The following SRGAP3 variants were observed in gnomAD, a reference collection of about 807,000 sequenced individuals.
SRGAP3 encodes SLIT-ROBO Rho GTPase-activating protein 3.
A neutral mutation model predicts 121.1 loss-of-function variants in SRGAP3; 39 were observed. The ratio of observed to expected loss-of-function variants is 0.32; its 90% confidence interval spans 0.25 to 0.42. The LOEUF is 0.42. Ranked by LOEUF, SRGAP3 falls within the 10% of genes least tolerant of loss-of-function variation. SRGAP3 has a pLI of 1.00. For synonymous variants in SRGAP3, 601 were observed against 570.0 expected (o/e 1.05, Z -0.77); for missense variants, 1,213 against 1,470.6 (o/e 0.82, Z 2.86).
intron 3 of SRGAP3, among the ~76,000 whole-genome samples, chr3:9,263,988 C>A (rs536253237): frequency 6.6e-6 from 1 of 152,196 alleles, no homozygotes; most frequent in Admixed American, 6.5e-5. Context: ...ATTGGCAAAC[C>A]GAATCCAGCA....
At chr3:9,362,643 G>A (rs1490456989) in intron 1 of SRGAP3, among the ~76,000 whole-genome samples, 4 of 152,030 alleles carry the variant, frequency 2.6e-5, no homozygotes, top group South Asian at 2.1e-4. Context: ...AGAAAAATAT[G>A]AAGTAAACAG....
chr3:9,244,017 C>T (rs573257219), intron 1 of SRGAP3, among the ~76,000 whole-genome samples: 1 of 152,268 alleles, frequency 6.6e-6, no homozygotes, highest in South Asian at 2.1e-4. Flanking sequence ...GAGGAACTCC[C>T]CACTTGGCCA....
intron 3 of SRGAP3, among the ~76,000 whole-genome samples, chr3:9,289,870 G>C (rs1423782905): frequency 1.3e-5 from 2 of 152,166 alleles, no homozygotes; most frequent in African/African-American, 2.4e-5. Context: ...CACTTTGGGA[G>C]GCTGAGGCAG....
At chr3:9,285,286 A>G (rs1278898154) in intron 3 of SRGAP3, among the ~76,000 whole-genome samples, 1 of 152,206 alleles carries the variant, frequency 6.6e-6, no homozygotes, top group Admixed American at 6.5e-5. Flanking sequence ...GATGGCCACC[A>G]TTCTATTGTT....
At chr3:9,106,524 C>T (rs1948424009) in intron 2 of SRGAP3, among the ~76,000 whole-genome samples, 1 of 152,170 alleles carries the variant, frequency 6.6e-6, no homozygotes. Flanking sequence ...TTTGTCCCCA[C>T]CCAAATCTCA....
Position 9,188,621 on chromosome 3 carries a change from G to A in SRGAP3, c.67+60264C>T, listed in dbSNP as rs111259890. Among the ~76,000 whole-genome samples, 1,423 of 152,322 alleles carry A rather than the reference G, an allele frequency of 9.3e-3. 9 individuals are homozygous for A. The highest frequency in any genetic ancestry group is 0.017 in the Non-Finnish European group (1,154 of 68,022). On this transcript the variant is annotated intron_variant, in intron 1 of 21. Coordinates refer to ENST00000383836, the MANE Select transcript of SRGAP3 (RefSeq NM_014850.4). ...GGACTTTCTGATATTTCTTGTGCTGGAGAAAGCTCAGAGCAACCTGACATG... is the reference window on the plus strand; with the variant it reads ...GGACTTTCTGATATTTCTTGTGCTGAAGAAAGCTCAGAGCAACCTGACATG...
At chr3:9,146,436 A>G (rs1950025759) in intron 1 of SRGAP3, among the ~76,000 whole-genome samples, 1 of 152,220 alleles carries the variant, frequency 6.6e-6, no homozygotes, top group Non-Finnish European at 1.5e-5. Flanking sequence ...AGGTGCAGAC[A>G]GGTAACCCCA....
chr3:9,199,248 C>T (rs1320210874), intron 1 of SRGAP3, among the ~76,000 whole-genome samples: 3 of 152,222 alleles, frequency 2.0e-5, no homozygotes, highest in South Asian at 2.1e-4. Flanking sequence ...CACTCACACG[C>T]GCTACCTCTC....
chr3:9,333,578 G>T (rs1955643710), intron 1 of SRGAP3, among the ~76,000 whole-genome samples: 1 of 152,014 alleles, frequency 6.6e-6, no homozygotes, highest in Non-Finnish European at 1.5e-5. Context: ...TTTCTCCGGT[G>T]GTGGCACAAA....
At chr3:9,128,422 A>T (rs1488001504) in intron 1 of SRGAP3, among the ~76,000 whole-genome samples, 1 of 152,270 alleles carries the variant, frequency 6.6e-6, no homozygotes, top group Admixed American at 6.5e-5. Flanking sequence ...ACTTTCAAGC[A>T]TAAAATATGT....
At chr3:9,177,374 G>A (rs1951215027) in intron 1 of SRGAP3, among the ~76,000 whole-genome samples, 1 of 152,190 alleles carries the variant, frequency 6.6e-6, no homozygotes, top group African/African-American at 2.4e-5. Flanking sequence ...GTCAGAGGGA[G>A]CAGCAAGTTC....
intron 1 of SRGAP3, among the ~76,000 whole-genome samples, chr3:9,149,797 T>C (rs1950152485): frequency 6.6e-6 from 1 of 152,212 alleles, no homozygotes; most frequent in African/African-American, 2.4e-5. Flanking sequence ...TACCTGTTAC[T>C]GATGTCACCA....
intron 1 of SRGAP3, among the ~76,000 whole-genome samples, chr3:9,248,122 T>C (rs1379715486): frequency 6.6e-6 from 1 of 152,244 alleles, no homozygotes; most frequent in Non-Finnish European, 1.5e-5. Flanking sequence ...GGCAGGCTTC[T>C]CCTGGAACCC....
At chr3:9,346,863 C>A (rs1428619485) in intron 1 of SRGAP3, among the ~76,000 whole-genome samples, 3 of 150,988 alleles carry the variant, frequency 2.0e-5, no homozygotes, top group Admixed American at 1.3e-4. Flanking sequence ...TCAAGCAATT[C>A]TCCTGCCTCA....
At chr3:9,258,851 G>A (rs1382389116) in intron 3 of SRGAP3, among the ~76,000 whole-genome samples, 3 of 152,096 alleles carry the variant, frequency 2.0e-5, no homozygotes, top group Non-Finnish European at 2.9e-5. Context: ...GTCTCTGATC[G>A]TGCCTCCCTC....
intron 1 of SRGAP3, among the ~76,000 whole-genome samples, chr3:9,131,303 G>A (rs764545252): frequency 6.6e-6 from 1 of 152,064 alleles, no homozygotes; most frequent in Non-Finnish European, 1.5e-5. Flanking sequence ...TGGCAAGGAG[G>A]GAAAGGGGTT....
intron 2 of SRGAP3, among the ~76,000 whole-genome samples, chr3:9,113,114 C>T (rs1287256351): frequency 6.6e-6 from 1 of 152,188 alleles, no homozygotes; most frequent in Non-Finnish European, 1.5e-5. Flanking sequence ...TGTAGCACAG[C>T]CAGGGCCCTG....
intron 3 of SRGAP3, chr3:9,257,299 C>G (rs547121666): frequency 6.6e-6 from 1 of 152,384 alleles, no homozygotes; most frequent in African/African-American, 2.4e-5. Context: ...AGGATGGGGC[C>G]CTTATGATGG....
Position 9,317,618 on chromosome 3 carries a change from G to C in SRGAP3, n.442+8392C>G, listed in dbSNP as rs140315539. On this transcript the variant is annotated intron_variant and non_coding_transcript_variant, in intron 3 of 3. Coordinates refer to the SRGAP3 transcript ENST00000490889. ...GTTGGCTATTTAAATCTAAGAATAA[G>C]TCTGAGAAACTGAGAGTGTAAGAAG... Among the ~76,000 whole-genome samples the C allele has an allele frequency of 1.3e-3, 199 of 152,254 alleles. 5 individuals carry two copies. Among genetic ancestry groups the C allele is most frequent in the Non-Finnish European group, 3.1e-4 (21 of 68,044 alleles).
Sources: gnomAD v4.1 joint callset for allele counts (sites outside exome capture counted in the v4.1 genomes callset) on GRCh38, gnomAD v4.1.1 for gene constraint, MANE v1.5 for transcripts, NCBI Gene and HGNC (gene_info 2026-07-23, HGNC 2026-07-21) for gene names.